PSMD2: variants seen among roughly 807,000 people sequenced by gnomAD.
PSMD2 encodes the protein 26S proteasome non-ATPase regulatory subunit 2.
A neutral mutation model predicts 101.5 loss-of-function variants in PSMD2; 8 were observed. The ratio of observed to expected loss-of-function variants is 0.08; its 90% CI spans 0.05 to 0.14. PSMD2 has a LOEUF of 0.14. PSMD2 is among the 10% of genes least tolerant of loss of function. PSMD2 has a pLI of 1.00. For missense variants in PSMD2, 784 were observed against 1,147.4 expected (o/e 0.68, Z 4.58); for synonymous variants, 418 against 433.8 (o/e 0.96, Z 0.45).
rs1049731129 is a variant in PSMD2 at position 184,304,194 on chromosome 3, C to G, written c.1452-110C>G. ...CACTGTGCCTATTGGGTATCTGGCT[C>G]TTGGTGAATGTTTGTTGAAATGGTG... On this transcript the variant is annotated intron_variant, in intron 11 of 20. Coordinates refer to ENST00000310118, the MANE Select transcript of PSMD2 (RefSeq NM_002808.5). This position sits in a 1 kb window ranked among gnomAD's most constrained non-coding sequence, Gnocchi z 4.1. The G allele has an allele frequency of 2.6e-6, 4 of 1,552,688 alleles. No homozygotes were observed. The highest frequency in any genetic ancestry group is 3.6e-6 in the Non-Finnish European group (4 of 1,124,894).
intron 12 of PSMD2, 41 bp from the exon 13 acceptor site, chr3:184,305,727 T>C (rs1474751863): frequency 6.4e-7 from 1 of 1,568,130 alleles, no homozygotes; most frequent in Admixed American, 1.8e-5. Flanking sequence ...ATAAATATTT[T>C]AATAACTTAC....
In PSMD2 at chr3:184,304,386, A is replaced by G; in HGVS notation, c.1534A>G (p.Met512Val). ...TGTGATGGGAGATTCAAAGTCCAGCATGGAGGTGAGTAGAGGCTATTGAGC... is the reference window on the plus strand; with the variant it reads ...TGTGATGGGAGATTCAAAGTCCAGCGTGGAGGTGAGTAGAGGCTATTGAGC... Reference protein sequence around the residue: ...LPVMGDSKSSMEVAGVTALAC... With the variant: ...LPVMGDSKSSVEVAGVTALAC... Residue 512 changes from methionine to valine, a missense_variant, in exon 12 of 21, where the codon ATG (methionine) becomes GTG (valine). Transcript: ENST00000310118. This position sits in a 1 kb window ranked among gnomAD's most constrained non-coding sequence, Gnocchi z 4.1. 1 of 1,614,026 alleles carries G rather than the reference A, an allele frequency of 6.2e-7. No homozygotes were observed. Among genetic ancestry groups the G allele is most frequent in the Non-Finnish European group, 8.5e-7 (1 of 1,179,868 alleles).
rs762580546 is a variant in PSMD2, at chr3:184,308,857, T to A, written c.2694T>A (p.Val898=). The A allele has an allele frequency of 1.2e-6, 2 of 1,612,520 alleles. No individual in the cohort carries two copies. Among genetic ancestry groups the A allele is most frequent in the Non-Finnish European group, 1.7e-6 (2 of 1,180,024 alleles). The stretch of plus-strand genomic sequence containing the variant: ...TTACCCCCATTCTGGAAGGTTTTGT[T>A]ATCCTTCGGAAGAACCCCAATTATG... ...LPVTPILEGF[V]ILRKNPNYDL Residue 898 remains valine (V), a synonymous_variant, in exon 21 of 21, where the codon GTT becomes GTA. Transcript: ENST00000310118. This position sits in a 1 kb window ranked among gnomAD's most constrained non-coding sequence, Gnocchi z 6.0.
In PSMD2 at chr3:184,303,306, C is replaced by T; in HGVS notation, c.1070-14C>T. 2 of 1,607,176 alleles carry T rather than the reference C, an allele frequency of 1.2e-6. No individual in the cohort carries two copies. The highest frequency in any genetic ancestry group is 1.7e-6 in the Non-Finnish European group (2 of 1,177,756). ...AACCTTCTTTCCTTACTTTTCCTCT[C>T]CCTCCTGTTGCAGGGTTTGGGGGCA... On this transcript the variant is annotated splice_polypyrimidine_tract_variant and intron_variant, in intron 8 of 20. Transcript: ENST00000310118.
Position 184,308,879 on chromosome 3 carries a change from T to A in PSMD2, c.2716T>A (p.Tyr906Asn). The A allele has an allele frequency of 1.9e-6, 3 of 1,611,982 alleles. No individual in the cohort carries two copies. The highest frequency in any genetic ancestry group is 2.5e-6 in the Non-Finnish European group (3 of 1,179,870). ...GFVILRKNPN[Y>N]DL The stretch of plus-strand genomic sequence containing the variant: ...TGTTATCCTTCGGAAGAACCCCAAT[T>A]ATGATCTCTAAGTGACCACCAGGGG... Residue 906 changes from tyrosine (Y) to asparagine (N), a missense_variant, in exon 21 of 21, where the codon TAT becomes AAT. Physicochemically the swap from Tyr to Asn is moderately radical, Grantham distance 143. This residue lies in a region of PSMD2 where 33 missense variants were observed against 38.2 expected (regional missense o/e 0.86). Transcript: ENST00000310118. This position sits in a 1 kb window ranked among gnomAD's most constrained non-coding sequence, Gnocchi z 6.0.
In PSMD2 at chr3:184,306,410, C is replaced by T. The variant is rs1721833425; in HGVS notation, c.1865C>T (p.Ser622Phe). Residue 622 changes from serine to phenylalanine, a missense_variant, in exon 15 of 21, where the codon TCC (serine) becomes TTC (phenylalanine). This residue lies in a region of PSMD2 where 282 missense variants were observed against 437.6 expected (regional missense o/e 0.64). Transcript: ENST00000310118. Reference sequence around the variant, plus strand: ...CACATTTGTAGCGAACACTTTGACTCCAAAGAGAAGGAGGAAGACAAAGAC... The same window carrying T: ...CACATTTGTAGCGAACACTTTGACTTCAAAGAGAAGGAGGAAGACAAAGAC... ...LLHICSEHFD[S>F]KEKEEDKDKK... is the part of the protein sequence containing the mutation. The T allele has an allele frequency of 1.2e-6, 2 of 1,613,876 alleles. No homozygotes were observed. Among genetic ancestry groups the T allele is most frequent in the Non-Finnish European group, 1.7e-6 (2 of 1,180,004 alleles).
At position 184,304,453 on chromosome 3, in the gene PSMD2, G is replaced by T; in HGVS notation, c.1539+62G>T. 6.7e-7 allele frequency: 1 copy of T among 1,502,952 alleles called. No individual in the cohort carries two copies. The highest frequency in any genetic ancestry group is 9.3e-7 in the Non-Finnish European group (1 of 1,079,470). The allele number at this position is 1,502,952 out of a possible 1,614,324, so 93.1% of individuals were successfully genotyped here. A position where few individuals can be genotyped will look rare whatever the true frequency, so the allele number is the denominator to read the frequency against. On this transcript the variant is annotated intron_variant, in intron 12 of 20. Coordinates refer to ENST00000310118, the MANE Select transcript of PSMD2 (RefSeq NM_002808.5). This position sits in a 1 kb window ranked among gnomAD's most constrained non-coding sequence, Gnocchi z 4.1. Reference sequence around the variant, plus strand: ...GAAGGTGCTTTGAGTCTTACTTTCTGTGATAAATAATGAAAAAGAAGTAAG... The same window carrying T: ...GAAGGTGCTTTGAGTCTTACTTTCTTTGATAAATAATGAAAAAGAAGTAAG...
In PSMD2 at chr3:184,308,462, A is replaced by C. The variant is rs1476967303; in HGVS notation, c.2439A>C (p.Lys813Asn). ...FLDVRNIILG[K>N]SHYVLYGLVA... ...TGCTTCCCTCAGTTATTCTAGGCAA[A>C]TCACACTATGTATTGTATGGGCTGG... The change falls in exon 20 of 21, where the codon AAA becomes AAC. Residue 813 changes from lysine to asparagine, a missense_variant. Physicochemically the swap from Lys to Asn is moderately conservative, Grantham distance 94. This residue lies in a region of PSMD2 where 282 missense variants were observed against 437.6 expected (regional missense o/e 0.64). Coordinates refer to ENST00000310118, the MANE Select transcript of PSMD2 (RefSeq NM_002808.5). The surrounding 1 kb of genome is among the most constrained non-coding windows in gnomAD (Gnocchi z 6.0). 2 of 1,608,636 alleles carry C rather than the reference A, an allele frequency of 1.2e-6. No individual in the cohort carries two copies. Among genetic ancestry groups the C allele is most frequent in the Non-Finnish European group, 1.7e-6 (2 of 1,178,584 alleles).
Position 184,307,931 on chromosome 3 carries a change from C to T in PSMD2, c.2340C>T (p.Pro780=). 6.2e-7 allele frequency: 1 copy of T among 1,614,160 alleles called. No individual in the cohort carries two copies. The change falls in exon 19 of 21, where the codon CCC becomes CCT. Residue 780 remains proline (P), a synonymous_variant. Transcript: ENST00000310118. ...HLGKGTLTLC[P]YHSDRQLMSQ... ...GGAAGGGCACCCTTACCCTCTGCCC[C>T]TACCACAGCGACCGGCAGCTTATGA...
intron 12 of PSMD2, among the ~76,000 whole-genome samples, chr3:184,305,526 A>T (rs1026127253): frequency 6.6e-6 from 1 of 151,496 alleles, no homozygotes; most frequent in East Asian, 1.9e-4. Context: ...GGATAACCTC[A>T]GGATCTGTGA....
intron 2 of PSMD2, 129 bp downstream of exon 2, chr3:184,300,036 CAGG>C: frequency 1.0e-6 from 1 of 957,276 alleles, no homozygotes; most frequent in Non-Finnish European, 1.7e-6. Context: ...TGTTGGGAGG[CAGG>C]AGAGTTACAA....
chr3:184,301,027 G>A (rs1721625167), intron 3 of PSMD2, among the ~76,000 whole-genome samples: 1 of 151,976 alleles, frequency 6.6e-6, no homozygotes, highest in South Asian at 2.1e-4. Context: ...CTTCAGCTGT[G>A]TTAGTTTAAA....
In PSMD2 at chr3:184,304,930, T is replaced by A. The variant is rs1366324496; in HGVS notation, c.1539+539T>A. On this transcript the variant is annotated intron_variant, in intron 12 of 20. Transcript: ENST00000310118. The surrounding 1 kb of genome is among the most constrained non-coding windows in gnomAD (Gnocchi z 4.1). ...ATTAACATTTTAGTGTTGAGTTCTG[T>A]CCCTTGGAATCTCTGAGAAACTACT... Among the ~76,000 whole-genome samples, 1 of 152,086 alleles carries A rather than the reference T, an allele frequency of 6.6e-6. No individual in the cohort carries two copies. Among genetic ancestry groups the A allele is most frequent in the Non-Finnish European group, 1.5e-5 (1 of 68,012 alleles).
chr3:184,302,284 T>G, intron 5 of PSMD2, 86 bp from the exon 6 acceptor site: 1 of 1,378,738 alleles, frequency 7.3e-7, no homozygotes, highest in Non-Finnish European at 9.9e-7. Context: ...ATAGTAGATA[T>G]TTATTATTTA....
intron 18 of PSMD2, 45 bp from the exon 19 acceptor site, chr3:184,307,842 TCTC>T (rs764885431): frequency 4.0e-5 from 64 of 1,612,610 alleles, no homozygotes; most frequent in Non-Finnish European, 4.9e-5. Flanking sequence ...TTAGGCGATG[TCTC>T]CTCAGTGGTA....
At chr3:184,299,438 C>T in intron 1 of PSMD2, 37 bp downstream of exon 1, 2 of 1,325,038 alleles carry the variant, frequency 1.5e-6, no homozygotes, top group Non-Finnish European at 1.9e-6. Flanking sequence ...AAGGAGGCTG[C>T]GGGGCTGAGT....
intron 3 of PSMD2, chr3:184,300,733 C>G: frequency 1.1e-6 from 1 of 931,688 alleles, no homozygotes; most frequent in Non-Finnish European, 1.4e-6. Flanking sequence ...CATATACATT[C>G]ATTTATCTCT....
intron 8 of PSMD2, 114 bp downstream of exon 8, chr3:184,303,176 C>A: frequency 6.7e-7 from 1 of 1,503,536 alleles, no homozygotes; most frequent in African/African-American, 1.4e-5. Context: ...CCTCATGAAT[C>A]TTTTTCAGGT....
rs1011524886 is a variant in PSMD2, at chr3:184,306,493, C to G, written c.1948C>G (p.Gln650Glu). 2.9e-5 allele frequency: 46 copies of G among 1,612,928 alleles called. No homozygotes were observed. Among genetic ancestry groups the G allele is most frequent in the Non-Finnish European group, 3.8e-5 (45 of 1,179,518 alleles). ...AGCCCCTGCTGACATGGGAGCACAT[C>G]AGGTTATATGGGCAGCTGGGCACTT... The part of the protein sequence containing the change: ...KEAPADMGAH[Q>E]GVAVLGIALI... The change falls in exon 15 of 21, where the codon CAG becomes GAG. Residue 650 changes from glutamine (Q) to glutamate (E), a missense_variant and splice_region_variant. Transcript: ENST00000310118.
Sources: gnomAD v4.1 joint callset for allele counts (sites outside exome capture counted in the v4.1 genomes callset) on GRCh38, gnomAD v4.1.1 for gene constraint, gnomAD v4.1.1 regional missense constraint, Gnocchi (gnomAD v3.1) non-coding constraint, MANE v1.5 for transcripts, NCBI Gene and HGNC (gene_info 2026-07-23, HGNC 2026-07-21) for gene names.